Variants in PRKN observed in about 807,000 individuals in gnomAD.
PRKN encodes parkin RBR E3 ubiquitin protein ligase.
PRKN carries 56 observed loss-of-function variants against 59.5 expected under a neutral mutation model. The observed-to-expected ratio is 0.94, with a 90% CI of 0.76 to 1.18. The LOEUF (loss-of-function observed/expected upper bound fraction) is 1.18, where lower values mean the gene tolerates loss of function less well. Among genes scored for constraint, PRKN ranks in the 50% most tolerant of loss-of-function variants. PRKN has a pLI of 0.00. For synonymous variants in PRKN, 250 were observed against 222.1 expected (o/e 1.13, Z -1.12); for missense variants, 657 against 596.4 (o/e 1.10, Z -1.06).
intron 7 of PRKN, among the ~76,000 whole-genome samples, chr6:161,753,526 G>A (rs1289327274): frequency 6.6e-6 from 1 of 152,200 alleles, no homozygotes; most frequent in Admixed American, 6.5e-5. Context: ...CTGCGGAGGG[G>A]GATAAGAGGT....
chr6:162,418,979 G>T (rs1242180905), intron 2 of PRKN, among the ~76,000 whole-genome samples: 1 of 151,884 alleles, frequency 6.6e-6, no homozygotes, highest in African/African-American at 2.4e-5. Flanking sequence ...TGGGAAGCAG[G>T]CACAAGGGAA....
chr6:161,356,458 G>C lies in PRKN; in HGVS notation c.1285+3630C>G, dbSNP rs1784756333. Among the ~76,000 whole-genome samples, 1 of 152,224 alleles carries C rather than the reference G, an allele frequency of 6.6e-6. No homozygotes were observed. Among genetic ancestry groups the C allele is most frequent in the South Asian group, 2.1e-4 (1 of 4,834 alleles). ...AGGGCAGGACTGACATGGCCTTTGAGAAGTCTACACGTCTATGTAGAGGAC... is the reference window on the plus strand; with the variant it reads ...AGGGCAGGACTGACATGGCCTTTGACAAGTCTACACGTCTATGTAGAGGAC... On this transcript the variant is annotated intron_variant, in intron 11 of 11. Transcript: ENST00000366898. This position sits in a 1 kb window ranked among gnomAD's most constrained non-coding sequence, Gnocchi z 7.8.
At chr6:161,730,667 CTTT>C (rs1408114640) in intron 7 of PRKN, among the ~76,000 whole-genome samples, 1 of 151,968 alleles carries the variant, frequency 6.6e-6, no homozygotes, top group African/African-American at 2.4e-5. Flanking sequence ...ATGTTGCATT[CTTT>C]CAGATATGTG....
chr6:162,235,961 GAAA>G (rs1562602275), intron 3 of PRKN, among the ~76,000 whole-genome samples: 23 of 54,376 alleles, frequency 4.2e-4, no homozygotes, highest in African/African-American at 5.4e-4. Context: ...AAGAAAGGAA[GAAA>G]GAAAGAAAGA....
intron 1 of PRKN, among the ~76,000 whole-genome samples, chr6:162,633,710 T>G (rs1394483274): frequency 1.3e-5 from 2 of 151,862 alleles, no homozygotes; most frequent in African/African-American, 4.8e-5. Flanking sequence ...CGTGGGACCC[T>G]GAATGTGCCT....
chr6:161,729,180 A>G (rs1333617038), intron 7 of PRKN, among the ~76,000 whole-genome samples: 1 of 152,220 alleles, frequency 6.6e-6, no homozygotes, highest in African/African-American at 2.4e-5. Context: ...CTGCTCTTTA[A>G]TGAAGAAGGT....
chr6:161,580,736 C>A (rs954245543), intron 7 of PRKN, among the ~76,000 whole-genome samples: 3 of 152,026 alleles, frequency 2.0e-5, no homozygotes, highest in Non-Finnish European at 4.4e-5. Flanking sequence ...CCTCGGCCCC[C>A]CAAAGTGCTG....
At chr6:161,754,961 G>C (rs1260639971) in intron 7 of PRKN, among the ~76,000 whole-genome samples, 1 of 152,174 alleles carries the variant, frequency 6.6e-6, no homozygotes, top group Non-Finnish European at 1.5e-5. Context: ...CTCAGGGGGA[G>C]AAATAGTCCC....
intron 5 of PRKN, among the ~76,000 whole-genome samples, chr6:162,053,421 T>TA (rs1777729240): frequency 6.6e-6 from 1 of 152,072 alleles, no homozygotes; most frequent in Admixed American, 6.6e-5. Flanking sequence ...GTTTTGAGGT[T>TA]AAAAAAATAC....
At chr6:162,568,989 C>T in intron 1 of PRKN, 2 of 684,246 alleles carry the variant, frequency 2.9e-6, no homozygotes, top group Non-Finnish European at 5.3e-6. Context: ...CCTCAGGCAG[C>T]TGTATGAAGA....
At chr6:161,958,545 G>C (rs1388329690) in intron 6 of PRKN, among the ~76,000 whole-genome samples, 2 of 151,996 alleles carry the variant, frequency 1.3e-5, no homozygotes, top group African/African-American at 4.8e-5. Context: ...TTTCTTTGCA[G>C]TTGTTTTCAT....
chr6:162,084,422 T>C (rs1029545828), intron 4 of PRKN, among the ~76,000 whole-genome samples: 5 of 152,280 alleles, frequency 3.3e-5, no homozygotes, highest in East Asian at 1.9e-4. Flanking sequence ...TTCAGGTTGC[T>C]GGTTTCTTTC....
chr6:161,449,395 A>T (rs1167948575), intron 9 of PRKN, among the ~76,000 whole-genome samples: 4 of 152,206 alleles, frequency 2.6e-5, no homozygotes, highest in African/African-American at 9.6e-5. Context: ...ATCTTTTCTC[A>T]TCTATCCGTA....
At chr6:162,270,701 A>G (rs1389896283) in intron 2 of PRKN, 1 of 152,224 alleles carries the variant, frequency 6.6e-6, no homozygotes, top group Non-Finnish European at 1.5e-5. Flanking sequence ...TCTAATGTTA[A>G]AACATTTTTA....
intron 4 of PRKN, among the ~76,000 whole-genome samples, chr6:162,137,708 C>A (rs572690824): frequency 7.9e-5 from 12 of 152,152 alleles, no homozygotes; most frequent in Non-Finnish European, 1.8e-4. Context: ...GGGGGCTGAA[C>A]TTGCCCTTTC....
At chr6:161,640,640 A>G (rs185336028) in intron 7 of PRKN, among the ~76,000 whole-genome samples, 1 of 152,266 alleles carries the variant, frequency 6.6e-6, no homozygotes, top group Admixed American at 6.5e-5. Flanking sequence ...ACCAGGCTTG[A>G]GTTGACAGAC....
chr6:161,496,606 T>C (rs1777758856), intron 9 of PRKN, among the ~76,000 whole-genome samples: 1 of 152,192 alleles, frequency 6.6e-6, no homozygotes, highest in Admixed American at 6.5e-5. Context: ...AAGGACAGTA[T>C]GGGGAAAGCC....
chr6:162,250,971 C>G (rs1217236645), intron 3 of PRKN, among the ~76,000 whole-genome samples: 1 of 152,040 alleles, frequency 6.6e-6, no homozygotes, highest in Non-Finnish European at 1.5e-5. Flanking sequence ...TTGTTTTCAT[C>G]TTGGATTATC....
chr6:162,311,439 G>A (rs1782512313), intron 2 of PRKN, among the ~76,000 whole-genome samples: 1 of 150,336 alleles, frequency 6.7e-6, no homozygotes, highest in Non-Finnish European at 1.5e-5. Flanking sequence ...TTACTCTAAC[G>A]ACACATAATC....
Sources: allele counts gnomAD v4.1 joint callset (sites outside exome capture counted in the v4.1 genomes callset), GRCh38; gene constraint gnomAD v4.1.1; non-coding constraint Gnocchi (gnomAD v3.1); transcripts MANE v1.5; gene names NCBI Gene and HGNC (gene_info 2026-07-23, HGNC 2026-07-21).